DNAH5: variants seen among roughly 807,000 people sequenced by gnomAD.
DNAH5 encodes dynein axonemal heavy chain 5, also known as axonemal beta dynein heavy chain 5.
In DNAH5, 372 loss-of-function variants were observed where a neutral mutation model predicts 518.2. That is an observed-to-expected ratio of 0.72 (90% CI 0.66 to 0.78). The LOEUF (loss-of-function observed/expected upper bound fraction) is 0.78. DNAH5 is among the 30% of genes least tolerant of loss of function. The pLI is 0.00. For missense variants in DNAH5, 5,523 were observed against 5,687.0 expected, an observed-to-expected ratio of 0.97 and a Z score of 0.93; for synonymous variants, 2,039 against 2,025.9, an observed-to-expected ratio of 1.01 and a Z score of -0.17.
chr5:13,998,844 TTTC>T (rs1784144998), intron 1 of DNAH5, among the ~76,000 whole-genome samples: 1 of 152,074 alleles, frequency 6.6e-6, no homozygotes, highest in African/African-American at 2.4e-5. Context: ...TGCTTGAGAA[TTTC>T]TTTTCTTTTT....
At chr5:13,780,782 C>G in intron 53 of DNAH5, 47 bp downstream of exon 53, 6 of 1,610,084 alleles carry the variant, frequency 3.7e-6, no homozygotes, top group Non-Finnish European at 5.1e-6. Flanking sequence ...CTCTGAGCAC[C>G]TTTTATCAAA....
intron 22 of DNAH5, among the ~76,000 whole-genome samples, chr5:13,875,189 C>G (rs192474690): frequency 6.6e-6 from 1 of 151,980 alleles, no homozygotes; most frequent in African/African-American, 2.4e-5. Flanking sequence ...ACACAGAGGC[C>G]GGGCACGGTG....
rs2126901285 is a variant in DNAH5 at position 13,792,207 on chromosome 5, C to T, written c.8235G>A (p.Gly2745=). ...ASVDKIFGVI[G]VGHYCTQRGF... ...CCCTCTGAGTACAGTAGTGGCCTAC[C>T]CCAATCACACCTGAAAAGGGGGAAA... The change falls in exon 50 of 79, where the codon GGG becomes GGA. Residue 2745 remains glycine (G), a synonymous_variant. Coordinates refer to ENST00000265104, the MANE Select transcript of DNAH5 (RefSeq NM_001369.3). 1 of 1,613,426 alleles carries T rather than the reference C, an allele frequency of 6.2e-7. No homozygotes were observed. Among genetic ancestry groups the T allele is most frequent in the Non-Finnish European group, 8.5e-7 (1 of 1,179,496 alleles).
At position 13,886,126 on chromosome 5, in the gene DNAH5, G is replaced by C. The variant is rs753213789; in HGVS notation, c.2581C>G (p.Leu861Val). 1 of 1,148,256 alleles carries C rather than the reference G, an allele frequency of 8.7e-7. No homozygotes were observed. Among genetic ancestry groups the C allele is most frequent in the Non-Finnish European group, 1.2e-6 (1 of 853,554 alleles). The allele number at this position is 1,148,256 out of a possible 1,614,324, so 71.1% of individuals were successfully genotyped here. Residue 861 changes from leucine to valine, a missense_variant, in exon 18 of 79, where the codon CTT becomes GTT. Around this residue, in one of 3 missense-constraint regions of DNAH5, gnomAD observed 5,121 missense variants for 5,223.3 expected, o/e 0.98. Transcript: ENST00000265104. ...AGTATTTGTGCACCATTTACACAAA[G>C]ATCCTAACCAAAAAAAAAAAAAAAA... ...CEEFLQMTKD[L>V]CVNGAQILHF...
At chr5:13,859,697 CG>C in intron 29 of DNAH5, 92 bp from the exon 30 acceptor site, 1 of 1,313,098 alleles carries the variant, frequency 7.6e-7, no homozygotes, top group South Asian at 1.2e-5. Flanking sequence ...AATTTTTAAC[CG>C]CTTTCTTTAC....
At chr5:13,968,593 TC>T (rs1360763033) in intron 1 of DNAH5, among the ~76,000 whole-genome samples, 1 of 152,236 alleles carries the variant, frequency 6.6e-6, no homozygotes, top group Non-Finnish European at 1.5e-5. Flanking sequence ...TCTTTTTAAT[TC>T]TGCTTATGTG....
intron 42 of DNAH5, among the ~76,000 whole-genome samples, chr5:13,816,485 T>G (rs1561337154): frequency 6.6e-6 from 1 of 150,628 alleles, no homozygotes; most frequent in African/African-American, 2.4e-5. Flanking sequence ...TCAAGTAAAA[T>G]GGTGATCTAA....
intron 29 of DNAH5, among the ~76,000 whole-genome samples, chr5:13,859,983 T>TAA: frequency 6.6e-6 from 1 of 152,186 alleles, no homozygotes; most frequent in Non-Finnish European, 1.5e-5. Context: ...GTTTTTCATA[T>TAA]AATATGGAGC....
At chr5:13,710,268 C>T (rs1743319724) in intron 75 of DNAH5, among the ~76,000 whole-genome samples, 2 of 152,132 alleles carry the variant, frequency 1.3e-5, no homozygotes, top group Admixed American at 1.3e-4. Flanking sequence ...AAGGGGGAGA[C>T]TACTACATCA....
rs112967768 is a variant in DNAH5, at chr5:13,829,683, G to T, written c.6271C>A (p.Gln2091Lys). 6.2e-7 allele frequency: 1 copy of T among 1,614,128 alleles called. No homozygotes were observed. Among genetic ancestry groups the T allele is most frequent in the Non-Finnish European group, 8.5e-7 (1 of 1,180,004 alleles). The change falls in exon 38 of 79, where the codon CAG (glutamine) becomes AAG (lysine). Residue 2091 changes from glutamine (Q) to lysine (K), a missense_variant. Gln to Lys is a moderately conservative substitution (Grantham distance 53). Transcript: ENST00000265104. ...ATCTTCAAGTTTTCAGGGAGTTCCT[G>T]CCGTCCGGCATAGCCAGGATTCTAA... ...LTMNPGYAGRQELPENLKINF... is the reference protein window; with the variant it reads ...LTMNPGYAGRKELPENLKINF...
intron 22 of DNAH5, among the ~76,000 whole-genome samples, chr5:13,874,765 C>T (rs780869860): frequency 2.0e-5 from 3 of 152,164 alleles, no homozygotes; most frequent in Non-Finnish European, 2.9e-5. Context: ...TGATCCCCCA[C>T]CTTGGCCTCT....
chr5:13,961,498 G>T (rs895288826), intron 1 of DNAH5, among the ~76,000 whole-genome samples: 5 of 152,076 alleles, frequency 3.3e-5, no homozygotes, highest in Non-Finnish European at 7.4e-5. Context: ...ACAAAAATCA[G>T]CTGGGTGTGG....
At chr5:13,792,433 A>G (rs112179162) in intron 49 of DNAH5, among the ~76,000 whole-genome samples, 1 of 152,306 alleles carries the variant, frequency 6.6e-6, no homozygotes, top group African/African-American at 2.4e-5. Flanking sequence ...AAACACTGAA[A>G]AACTGATTAA....
intron 40 of DNAH5, among the ~76,000 whole-genome samples, chr5:13,823,037 G>T (rs536282592): frequency 6.6e-6 from 1 of 152,166 alleles, no homozygotes; most frequent in African/African-American, 2.4e-5. Context: ...AGGGCTACTC[G>T]CACATGACTA....
intron 70 of DNAH5, among the ~76,000 whole-genome samples, chr5:13,722,462 A>G (rs1035846932): frequency 1.3e-5 from 2 of 152,228 alleles, no homozygotes; most frequent in African/African-American, 4.8e-5. Flanking sequence ...TGGCCACCAC[A>G]GAGGAATCTC....
chr5:13,809,844 A>G (rs1467116896), intron 45 of DNAH5, among the ~76,000 whole-genome samples: 1 of 152,232 alleles, frequency 6.6e-6, no homozygotes, highest in Admixed American at 6.5e-5. Context: ...AGTTTAGTGC[A>G]CAAGATATTT....
chr5:13,800,680 G>C (rs1322911565), intron 47 of DNAH5, among the ~76,000 whole-genome samples: 1 of 152,032 alleles, frequency 6.6e-6, no homozygotes, highest in Non-Finnish European at 1.5e-5. Context: ...TGGCTATATT[G>C]CATGATTTGT....
intron 38 of DNAH5, among the ~76,000 whole-genome samples, chr5:13,828,289 AT>A (rs370420301): frequency 2.0e-3 from 310 of 152,370 alleles, no homozygotes; most frequent in African/African-American, 6.8e-3. Context: ...GAAGTTTGAA[AT>A]TAAAGCCTAA....
At chr5:13,863,337 C>A (rs1257807053) in intron 28 of DNAH5, among the ~76,000 whole-genome samples, 1 of 152,172 alleles carries the variant, frequency 6.6e-6, no homozygotes, top group Non-Finnish European at 1.5e-5. Flanking sequence ...CATTTGCCTA[C>A]TGAACTTCCC....
Sources: gnomAD v4.1 joint callset for allele counts (sites outside exome capture counted in the v4.1 genomes callset) on GRCh38, gnomAD v4.1.1 for gene constraint, gnomAD v4.1.1 regional missense constraint, MANE v1.5 for transcripts, NCBI Gene and HGNC (gene_info 2026-07-23, HGNC 2026-07-21) for gene names.